Variants in CFAP299 observed in about 807,000 individuals in gnomAD.
The protein encoded by CFAP299 is cilia- and flagella-associated protein 299.
Under a neutral mutation model 27.0 loss-of-function variants are expected in CFAP299, and 21 were observed. The observed-to-expected ratio is 0.78, with a 90% CI of 0.55 to 1.12. CFAP299 has a LOEUF of 1.12. Ranked by LOEUF, CFAP299 falls within the 50% of genes most tolerant of loss-of-function variation. The pLI, the probability that CFAP299 is intolerant of heterozygous loss-of-function variation, is 0.00. For missense variants in CFAP299, 310 were observed against 276.6 expected, an observed-to-expected ratio of 1.12 and a Z score of -0.86; for synonymous variants, 104 against 98.1, an observed-to-expected ratio of 1.06 and a Z score of -0.36.
At chr4:80,541,008 C>T (rs888174390) in intron 2 of CFAP299, among the ~76,000 whole-genome samples, 3 of 152,074 alleles carry the variant, frequency 2.0e-5, no homozygotes, top group East Asian at 1.9e-4. Flanking sequence ...ATTCTTACCC[C>T]GATCTCTGTG....
At chr4:80,410,037 T>G (rs1372657137) in intron 2 of CFAP299, among the ~76,000 whole-genome samples, 1 of 152,132 alleles carries the variant, frequency 6.6e-6, no homozygotes, top group African/African-American at 2.4e-5. Flanking sequence ...GAGTGCTCAG[T>G]GGGATCAGAA....
intron 3 of CFAP299, among the ~76,000 whole-genome samples, chr4:80,821,315 G>T (rs1244401480): frequency 6.6e-6 from 1 of 152,114 alleles, no homozygotes; most frequent in Non-Finnish European, 1.5e-5. Context: ...AAGTTGAAGA[G>T]AAAAAGGTTT....
intron 3 of CFAP299, among the ~76,000 whole-genome samples, chr4:80,801,514 A>C (rs1041447700): frequency 1.3e-5 from 2 of 152,084 alleles, no homozygotes; most frequent in Non-Finnish European, 2.9e-5. Context: ...TATTTCTTAA[A>C]TTCACATATA....
At chr4:80,892,550 A>G (rs1444784689) in intron 4 of CFAP299, among the ~76,000 whole-genome samples, 1 of 152,206 alleles carries the variant, frequency 6.6e-6, no homozygotes, top group Non-Finnish European at 1.5e-5. Context: ...AAAGTAAACA[A>G]TCAACAAAGT....
At chr4:80,689,728 A>G (rs1005907434) in intron 3 of CFAP299, among the ~76,000 whole-genome samples, 12 of 152,216 alleles carry the variant, frequency 7.9e-5, no homozygotes, top group African/African-American at 2.9e-4. Context: ...AAATGCTCCA[A>G]TTAAAAGACA....
intron 2 of CFAP299, among the ~76,000 whole-genome samples, chr4:80,472,631 G>A (rs140386083): frequency 6.6e-6 from 1 of 152,282 alleles, no homozygotes; most frequent in East Asian, 1.9e-4. Context: ...GAACTTACAC[G>A]TAGGACAGTC....
intron 5 of CFAP299, among the ~76,000 whole-genome samples, chr4:80,948,031 G>A (rs952582126): frequency 6.6e-6 from 1 of 152,060 alleles, no homozygotes; most frequent in Non-Finnish European, 1.5e-5. Context: ...AGTAGTTAAA[G>A]AGCTGTAAAA....
At chr4:80,799,881 T>C (rs1395382127) in intron 3 of CFAP299, among the ~76,000 whole-genome samples, 4 of 30,466 alleles carry the variant, frequency 1.3e-4, no homozygotes, top group Non-Finnish European at 1.5e-4. Context: ...TATTATATTA[T>C]ATAATATATA....
At chr4:80,509,709 T>C (rs1467202326) in intron 2 of CFAP299, among the ~76,000 whole-genome samples, 1 of 152,194 alleles carries the variant, frequency 6.6e-6, no homozygotes. Context: ...ATTACAGATT[T>C]TAACTAATCT....
At chr4:80,941,228 A>G (rs948036249) in intron 4 of CFAP299, among the ~76,000 whole-genome samples, 1 of 152,206 alleles carries the variant, frequency 6.6e-6, no homozygotes, top group Non-Finnish European at 1.5e-5. Flanking sequence ...TTTTTTCCCA[A>G]ATATTTTTAA....
intron 3 of CFAP299, among the ~76,000 whole-genome samples, chr4:80,833,937 T>C (rs1050818366): frequency 1.3e-5 from 2 of 152,204 alleles, no homozygotes; most frequent in Non-Finnish European, 2.9e-5. Flanking sequence ...AAAGAGACCA[T>C]TCCAAATCAC....
intron 4 of CFAP299, among the ~76,000 whole-genome samples, chr4:80,907,644 C>T (rs577196839): frequency 6.6e-6 from 1 of 152,094 alleles, no homozygotes; most frequent in Non-Finnish European, 1.5e-5. Flanking sequence ...AGGAAAAGCC[C>T]TTTATAAAAC....
chr4:80,646,984 A>AGTGT (rs751196606), intron 3 of CFAP299, among the ~76,000 whole-genome samples: 10 of 145,028 alleles, frequency 6.9e-5, no homozygotes, highest in African/African-American at 2.6e-4. Flanking sequence ...AGAGAGAGAG[A>AGTGT]GAGAGTGTGT....
At chr4:80,527,266 T>C (rs1300664984) in intron 2 of CFAP299, among the ~76,000 whole-genome samples, 1 of 152,072 alleles carries the variant, frequency 6.6e-6, no homozygotes, top group Non-Finnish European at 1.5e-5. Flanking sequence ...CAGAAACATT[T>C]GTTCTTGTGA....
Position 80,411,932 on chromosome 4 carries a change from C to T in CFAP299, c.242+49048C>T, listed in dbSNP as rs527264802. On this transcript the variant is annotated intron_variant, in intron 2 of 5. Coordinates refer to ENST00000358105, the MANE Select transcript of CFAP299 (RefSeq NM_152770.3). ...AGCATCATCTACGGTGTATTCTGTGCAGTGGCTTGCCTTCTCTAAGTACTA... is the reference window on the plus strand; with the variant it reads ...AGCATCATCTACGGTGTATTCTGTGTAGTGGCTTGCCTTCTCTAAGTACTA... Among the ~76,000 whole-genome samples, 105 of 152,166 alleles carry T rather than the reference C, an allele frequency of 6.9e-4. 1 individual carries two copies. The highest frequency in any genetic ancestry group is 2.3e-3 in the African/African-American group (96 of 41,524).
At chr4:80,800,393 A>T (rs1382676247) in intron 3 of CFAP299, among the ~76,000 whole-genome samples, 1 of 57,432 alleles carries the variant, frequency 1.7e-5, no homozygotes, top group Non-Finnish European at 2.7e-5. Flanking sequence ...ATAATATATT[A>T]ATATAATATA....
intron 3 of CFAP299, among the ~76,000 whole-genome samples, chr4:80,834,584 G>A (rs953320376): frequency 2.0e-5 from 3 of 152,152 alleles, no homozygotes; most frequent in Admixed American, 1.3e-4. Context: ...CCCACCAACC[G>A]ATTCAGTGGC....
chr4:80,492,526 G>A (rs1731191401), intron 2 of CFAP299, among the ~76,000 whole-genome samples: 1 of 152,156 alleles, frequency 6.6e-6, no homozygotes, highest in South Asian at 2.1e-4. Context: ...TTATGTAAGA[G>A]AAAATATAGG....
At chr4:80,569,082 G>C (rs1487748473) in intron 2 of CFAP299, among the ~76,000 whole-genome samples, 2 of 152,092 alleles carry the variant, frequency 1.3e-5, no homozygotes, top group Non-Finnish European at 2.9e-5. Context: ...CCTCAGGCTT[G>C]AGGGTGAGAA....
Sources: allele counts gnomAD v4.1 joint callset (sites outside exome capture counted in the v4.1 genomes callset), GRCh38; gene constraint gnomAD v4.1.1; transcripts MANE v1.5; gene names NCBI Gene and HGNC (gene_info 2026-07-23, HGNC 2026-07-21).